LDB3: variants seen among roughly 807,000 people sequenced by gnomAD.
LDB3 encodes LIM domain-binding protein 3.
A neutral mutation model predicts 69.0 loss-of-function variants in LDB3; 49 were observed. That is an observed-to-expected ratio of 0.71 (90% confidence interval 0.56 to 0.90). The LOEUF (loss-of-function observed/expected upper bound fraction) is 0.90. LDB3 is among the 40% of genes least tolerant of loss of function. The pLI is 0.00. For missense variants in LDB3, 928 were observed against 974.1 expected, an observed-to-expected ratio of 0.95 and a Z score of 0.63; for synonymous variants, 387 against 396.2, an observed-to-expected ratio of 0.98 and a Z score of 0.28.
intron 7 of LDB3, among the ~76,000 whole-genome samples, chr10:86,704,566 C>T (rs1364363439): frequency 1.3e-5 from 2 of 149,102 alleles, no homozygotes; most frequent in Non-Finnish European, 3.0e-5. Flanking sequence ...TGCGCCACCA[C>T]GCCCAGCTAA....
chr10:86,704,127 G>GA (rs138773206), intron 7 of LDB3, among the ~76,000 whole-genome samples: 116 of 132,992 alleles, frequency 8.7e-4, no homozygotes, highest in Non-Finnish European at 9.1e-4. Flanking sequence ...TTAAAAAAGA[G>GA]AAAAAAAAAA....
At chr10:86,680,817 T>C (rs1419195192) in intron 4 of LDB3, among the ~76,000 whole-genome samples, 1 of 152,156 alleles carries the variant, frequency 6.6e-6, no homozygotes, top group Non-Finnish European at 1.5e-5. Flanking sequence ...GAACTGATAG[T>C]GACCCCACCT....
At chr10:86,690,796 A>G (rs1435188807) in intron 5 of LDB3, among the ~76,000 whole-genome samples, 1 of 152,242 alleles carries the variant, frequency 6.6e-6, no homozygotes, top group Non-Finnish European at 1.5e-5. Context: ...CCTGAGCCCT[A>G]TGACTGCAGG....
chr10:86,712,654 T>G (rs2132473307), intron 9 of LDB3, among the ~76,000 whole-genome samples: 1 of 152,322 alleles, frequency 6.6e-6, no homozygotes, highest in East Asian at 1.9e-4. Context: ...GTGGAAGCAG[T>G]CATTTTGGTG....
intron 13 of LDB3, 138 bp downstream of exon 13, chr10:86,726,390 A>G (rs771236614): frequency 1.1e-5 from 8 of 715,622 alleles, no homozygotes; most frequent in Non-Finnish European, 1.8e-5. Flanking sequence ...GGCAAACACC[A>G]TGATGCCTCG....
rs567875623 is a variant in LDB3, at chr10:86,734,184, AT to A, written c.*1209del. ...ACTGCTGGAAGGGACAGATGCACTGATATATATGCATTTGCTGTTTTGGCCA... is the reference window on the plus strand; with the variant it reads ...ACTGCTGGAAGGGACAGATGCACTGAATATATGCATTTGCTGTTTTGGCCA... On this transcript the variant is annotated 3_prime_UTR_variant, in exon 14 of 14. Coordinates refer to ENST00000361373, the MANE Select transcript of LDB3 (RefSeq NM_007078.3). The A allele has an allele frequency of 7.6e-4, 116 of 152,316 alleles. No individual in the cohort carries two copies. Among genetic ancestry groups the A allele is most frequent in the African/African-American group, 2.7e-3 (113 of 41,580 alleles). The allele number at this position is 152,316 out of a possible 1,614,324, so 9.4% of individuals were successfully genotyped here. A position where few individuals can be genotyped will look rare whatever the true frequency, so the allele number is the denominator to read the frequency against.
Position 86,699,978 on chromosome 10 carries a change from G to A in LDB3, c.897-6553G>A, listed in dbSNP as rs1846189551. On this transcript the variant is annotated intron_variant, in intron 7 of 13. Transcript: ENST00000361373. This position sits in a 1 kb window ranked among gnomAD's most constrained non-coding sequence, Gnocchi z 4.9. ...CCCTCCTTTCTGTACCGTGTGTGCT[G>A]GCTCCATAGTTCTCTCTTCTGTACA... is the stretch of plus-strand genomic sequence containing the variant. 1 of 993,510 alleles carries A rather than the reference G, an allele frequency of 1.0e-6. No individual in the cohort carries two copies. The highest frequency in any genetic ancestry group is 1.7e-5 in the African/African-American group (1 of 57,326). The allele number at this position is 993,510 out of a possible 1,614,324, so 61.5% of individuals were successfully genotyped here.
intron 9 of LDB3, among the ~76,000 whole-genome samples, chr10:86,712,669 C>T (rs1457858580): frequency 6.6e-6 from 1 of 152,164 alleles, no homozygotes; most frequent in East Asian, 1.9e-4. Context: ...TTGGTGAAGG[C>T]AGCACCACGC....
chr10:86,695,121 GC>G (rs2132426297), intron 7 of LDB3, among the ~76,000 whole-genome samples: 1 of 139,068 alleles, frequency 7.2e-6, no homozygotes, highest in African/African-American at 2.7e-5. Flanking sequence ...TTATGCCCAT[GC>G]AAAGGTGCTT....
In LDB3 at chr10:86,699,297, C is replaced by T. The variant is rs397516560; in HGVS notation, c.896+6726C>T. 22 of 1,613,156 alleles carry T rather than the reference C, an allele frequency of 1.4e-5. No individual in the cohort carries two copies. The South Asian group carries it at 1.6e-4, about 12-fold the overall frequency. ...CCACAGGGAAAGGTTTGAAACGGAACGTAACAGCCCACGTTTTGCCAAATT... is the reference window on the plus strand; with the variant it reads ...CCACAGGGAAAGGTTTGAAACGGAATGTAACAGCCCACGTTTTGCCAAATT... On this transcript the variant is annotated intron_variant, in intron 7 of 13. Transcript: ENST00000361373. The surrounding 1 kb of genome is among the most constrained non-coding windows in gnomAD (Gnocchi z 4.9).
intron 7 of LDB3, among the ~76,000 whole-genome samples, chr10:86,705,042 C>T (rs1846394290): frequency 6.6e-6 from 1 of 152,162 alleles, no homozygotes; most frequent in African/African-American, 2.4e-5. Flanking sequence ...CTGTGGTAAG[C>T]ACTTAGTAAT....
At chr10:86,675,460 C>T (rs1046005751) in intron 2 of LDB3, among the ~76,000 whole-genome samples, 20 of 152,246 alleles carry the variant, frequency 1.3e-4, no homozygotes, top group African/African-American at 4.8e-4. Context: ...AGCATCTCCT[C>T]TGTGACCGAG....
At chr10:86,717,139 G>A (rs575497311) in intron 10 of LDB3, among the ~76,000 whole-genome samples, 1 of 152,298 alleles carries the variant, frequency 6.6e-6, no homozygotes, top group Admixed American at 6.5e-5. Context: ...TTTTCCTTTA[G>A]GGTTGTTTCT....
chr10:86,695,528 C>T (rs907953093), intron 7 of LDB3, among the ~76,000 whole-genome samples: 1 of 152,228 alleles, frequency 6.6e-6, no homozygotes, highest in Non-Finnish European at 1.5e-5. Flanking sequence ...GAACTTCCCA[C>T]CCTGGAAGGA....
At chr10:86,707,814 C>T (rs1216233134) in intron 8 of LDB3, among the ~76,000 whole-genome samples, 1 of 152,200 alleles carries the variant, frequency 6.6e-6, no homozygotes, top group South Asian at 2.1e-4. Context: ...CAGCCCAACT[C>T]AAGCCTGAAG....
rs1060501318 is a variant in LDB3, at chr10:86,681,706, C to T, written c.592C>T (p.Pro198Ser). The stretch of plus-strand genomic sequence containing the variant: ...GAGCCAGCCGAGGCAATATAACAAC[C>T]CCATTGGCCTGTACTCGGCAGAGAC... ...GSSQPRQYNNPIGLYSAETLR... is the reference protein window; with the variant it reads ...GSSQPRQYNNSIGLYSAETLR... Residue 198 changes from proline to serine, a missense_variant, in exon 5 of 14, where the codon CCC becomes TCC. Transcript: ENST00000361373. 1.9e-6 allele frequency: 3 copies of T among 1,613,340 alleles called. No homozygotes were observed. The highest frequency in any genetic ancestry group is 2.5e-6 in the Non-Finnish European group (3 of 1,179,786).
Position 86,699,594 on chromosome 10 carries a change from G to A in LDB3, c.897-6937G>A. ...TCTGTACCCACCAAACCTCCCCAGG[G>A]CAACCCTCGCCACCCCCCAAATAGC... On this transcript the variant is annotated intron_variant, in intron 7 of 13. Coordinates refer to ENST00000361373, the MANE Select transcript of LDB3 (RefSeq NM_007078.3). The surrounding 1 kb of genome is among the most constrained non-coding windows in gnomAD (Gnocchi z 4.9). 4.3e-6 allele frequency: 6 copies of A among 1,406,856 alleles called. No individual in the cohort carries two copies. Among genetic ancestry groups the A allele is most frequent in the South Asian group, 1.5e-5 (1 of 67,352 alleles). 87.1% of individuals were successfully genotyped at this position (1,406,856 alleles called of 1,614,324 possible). A position where few individuals can be genotyped will look rare whatever the true frequency, so the allele number is the denominator to read the frequency against.
intron 13 of LDB3, among the ~76,000 whole-genome samples, chr10:86,728,389 C>G (rs922393895): frequency 6.6e-6 from 1 of 152,094 alleles, no homozygotes. Context: ...AGAGAGAGAC[C>G]AGAAGAAGGC....
intron 12 of LDB3, 76 bp from the exon 13 acceptor site, chr10:86,726,061 A>C: frequency 3.2e-6 from 3 of 950,642 alleles, no homozygotes; most frequent in Non-Finnish European, 3.4e-6. Context: ...CTGCCCACTG[A>C]TTTGGGGTTT....
Sources: gnomAD v4.1 joint callset for allele counts (sites outside exome capture counted in the v4.1 genomes callset) on GRCh38, gnomAD v4.1.1 for gene constraint, Gnocchi (gnomAD v3.1) non-coding constraint, MANE v1.5 for transcripts, NCBI Gene and HGNC (gene_info 2026-07-23, HGNC 2026-07-21) for gene names.